The following MKLN1 variants were observed in gnomAD, a reference collection of about 807,000 sequenced individuals.
The protein encoded by MKLN1 is muskelin 1.
In MKLN1, 18 loss-of-function variants were observed where a neutral mutation model predicts 99.0. The ratio of observed to expected loss-of-function variants is 0.18; its 90% confidence interval spans 0.13 to 0.27. MKLN1 has a LOEUF of 0.27. MKLN1 is among the 10% of genes least tolerant of loss of function. The probability of loss-of-function intolerance (pLI) is 1.00; values close to 1 mark genes in which losing one functional copy is unlikely to be tolerated. For synonymous variants in MKLN1, 288 were observed against 293.2 expected (o/e 0.98, Z 0.18); for missense variants, 621 against 875.9 (o/e 0.71, Z 3.67).
At chr7:131,241,526 G>C (rs1327838769) in intron 3 of MKLN1, among the ~76,000 whole-genome samples, 1 of 152,130 alleles carries the variant, frequency 6.6e-6, no homozygotes, top group Admixed American at 6.6e-5. Context: ...GGCCAACATA[G>C]TGAGAACTTG....
intron 2 of MKLN1, among the ~76,000 whole-genome samples, chr7:131,158,107 C>T (rs1436013963): frequency 2.0e-5 from 3 of 152,108 alleles, no homozygotes; most frequent in Admixed American, 6.6e-5. Context: ...TCATTGTACC[C>T]GTAAGTACAG....
rs1797477210 is a variant in MKLN1 at position 131,245,718 on chromosome 7, C to A, written c.-179+42744C>A. On this transcript the variant is annotated intron_variant, in intron 3 of 7. Coordinates refer to the MKLN1 transcript ENST00000416992. ...GAAGCCTAGGAGCAATAGGCTATGC[C>A]ATGTAGCCTAGGTGTGCAGTGGGCT... is the stretch of plus-strand genomic sequence containing the variant. 6.6e-5 allele frequency among the ~76,000 whole-genome samples: 10 copies of A among 152,298 alleles called. No individual in the cohort carries two copies. The South Asian group carries it at 2.1e-3, about 32-fold the overall frequency.
chr7:131,220,308 C>T (rs145872993), intron 3 of MKLN1, among the ~76,000 whole-genome samples: 1 of 152,274 alleles, frequency 6.6e-6, no homozygotes, highest in African/African-American at 2.4e-5. Flanking sequence ...ACTCCCATAA[C>T]CTGTTTTATA....
chr7:131,127,082 T>G (rs1162252243), intron 1 of MKLN1, among the ~76,000 whole-genome samples: 1 of 151,718 alleles, frequency 6.6e-6, no homozygotes, highest in African/African-American at 2.4e-5. Flanking sequence ...GGAGAATTGC[T>G]TGAGCCTGGG....
upstream of MKLN1, chr7:131,327,772 G>C: frequency 7.0e-7 from 1 of 1,430,922 alleles, no homozygotes. Context: ...CTGGGCTCGG[G>C]TAACGATGCG....
At chr7:131,297,896 C>A (rs1478286407) in intron 3 of MKLN1, among the ~76,000 whole-genome samples, 1 of 152,178 alleles carries the variant, frequency 6.6e-6, no homozygotes, top group East Asian at 1.9e-4. Flanking sequence ...ATTGGAAAGC[C>A]CAGCAAGGGA....
At chr7:131,327,775 A>T (rs1464787684), upstream of MKLN1, 5 of 1,434,308 alleles carry the variant, frequency 3.5e-6, no homozygotes, top group Admixed American at 1.4e-4. Flanking sequence ...GGCTCGGGTA[A>T]CGATGCGGGG....
chr7:131,176,566 G>C (rs2116347456), intron 2 of MKLN1, among the ~76,000 whole-genome samples: 1 of 152,280 alleles, frequency 6.6e-6, no homozygotes, highest in East Asian at 1.9e-4. Context: ...CAAAAATAAA[G>C]CTAGGACTGT....
At chr7:131,127,867 T>C (rs1795487700) in intron 1 of MKLN1, among the ~76,000 whole-genome samples, 1 of 152,320 alleles carries the variant, frequency 6.6e-6, no homozygotes, top group Admixed American at 6.5e-5. Context: ...GAAAAGACAT[T>C]GTGAACTGGT....
Position 131,236,622 on chromosome 7 carries a change from C to G in MKLN1, c.-179+33648C>G, listed in dbSNP as rs1797325338. ...GTTGCAGTAAGCTGAGATTGCACCA[C>G]TGAACTCTAGCCTGGGTAACAGAGT... On this transcript the variant is annotated intron_variant, in intron 3 of 7. Coordinates refer to the MKLN1 transcript ENST00000416992. 3.3e-5 allele frequency among the ~76,000 whole-genome samples: 5 copies of G among 152,000 alleles called. No individual in the cohort carries two copies. The South Asian group carries it at 8.3e-4, about 25-fold the overall frequency.
chr7:131,361,161 C>G (rs1800017267), intron 1 of MKLN1, among the ~76,000 whole-genome samples: 1 of 151,872 alleles, frequency 6.6e-6, no homozygotes, highest in Admixed American at 6.6e-5. Flanking sequence ...TGGGTTTTCT[C>G]TGGTCAGTGG....
At chr7:131,364,040 T>G (rs1800105155) in intron 1 of MKLN1, among the ~76,000 whole-genome samples, 1 of 152,068 alleles carries the variant, frequency 6.6e-6, no homozygotes, top group Non-Finnish European at 1.5e-5. Context: ...GTCTTAAAAT[T>G]GGGAAATACT....
At chr7:131,268,071 C>T (rs1313944619) in intron 3 of MKLN1, among the ~76,000 whole-genome samples, 1 of 152,142 alleles carries the variant, frequency 6.6e-6, no homozygotes, top group East Asian at 1.9e-4. Context: ...TTAAATAAAT[C>T]ACATAGGCTG....
chr7:131,313,734 G>A (rs1234061346), intron 3 of MKLN1, among the ~76,000 whole-genome samples: 1 of 152,228 alleles, frequency 6.6e-6, no homozygotes, highest in South Asian at 2.1e-4. Flanking sequence ...ACTTAGATAA[G>A]TAGCTTTTAA....
intron 3 of MKLN1, chr7:131,310,479 C>A (rs1798545362): frequency 6.6e-6 from 1 of 152,160 alleles, no homozygotes; most frequent in Non-Finnish European, 1.5e-5. Flanking sequence ...TGTGGAATCA[C>A]CTCTTCAGTG....
chr7:131,128,380 G>T (rs138444540), intron 1 of MKLN1, among the ~76,000 whole-genome samples: 52 of 152,142 alleles, frequency 3.4e-4, no homozygotes, highest in African/African-American at 1.2e-3. Context: ...AGTGGTAAAG[G>T]CCTTCATGAG....
Position 131,487,819 on chromosome 7 carries a change from T to TCCTCAATCACTGCA in MKLN1, c.*91_*92insCCTCAATCACTGCA. ...CCACTGACTGACAGTAAAGCTGCAGTGATTGAGGACTGCACCAGAGTTCTG... is the reference window on the plus strand; with the variant it reads ...CCACTGACTGACAGTAAAGCTGCAGTCCTCAATCACTGCAGATTGAGGACTGCACCAGAGTTCTG... On this transcript the variant is annotated 3_prime_UTR_variant, in exon 18 of 18. Coordinates refer to ENST00000352689, the MANE Select transcript of MKLN1 (RefSeq NM_013255.5). This position sits in a 1 kb window ranked among gnomAD's most constrained non-coding sequence, Gnocchi z 4.7. 6.8e-7 allele frequency: 1 copy of TCCTCAATCACTGCA among 1,478,270 alleles called. No individual in the cohort carries two copies. Among genetic ancestry groups the TCCTCAATCACTGCA allele is most frequent in the Non-Finnish European group, 9.2e-7 (1 of 1,088,952 alleles). 91.6% of individuals were successfully genotyped at this position (1,478,270 alleles called of 1,614,324 possible).
chr7:131,193,980 A>G (rs1269877620), intron 2 of MKLN1, among the ~76,000 whole-genome samples: 1 of 138,912 alleles, frequency 7.2e-6, no homozygotes, highest in Non-Finnish European at 1.6e-5. Context: ...TACCTAGGTT[A>G]TTTATTTTTC....
intron 12 of MKLN1, among the ~76,000 whole-genome samples, chr7:131,462,304 A>G (rs1182484055): frequency 6.6e-6 from 1 of 152,182 alleles, no homozygotes; most frequent in Non-Finnish European, 1.5e-5. Context: ...CACTGATATT[A>G]CATGCACGAG....
Sources: gnomAD v4.1 joint callset for allele counts (sites outside exome capture counted in the v4.1 genomes callset) on GRCh38, gnomAD v4.1.1 for gene constraint, Gnocchi (gnomAD v3.1) non-coding constraint, MANE v1.5 for transcripts, NCBI Gene and HGNC (gene_info 2026-07-23, HGNC 2026-07-21) for gene names.